The following ARNT variants were observed in gnomAD, a reference collection of about 807,000 sequenced individuals.
ARNT encodes class E basic helix-loop-helix protein 2.
Under a neutral mutation model 105.0 loss-of-function variants are expected in ARNT, and 30 were observed. The ratio of observed to expected loss-of-function variants is 0.29; its 90% CI spans 0.21 to 0.39. The LOEUF (loss-of-function observed/expected upper bound fraction) is 0.39, where lower values mean the gene tolerates loss of function less well. Ranked by LOEUF, ARNT falls within the 10% of genes least tolerant of loss-of-function variation. The pLI is 1.00. For synonymous variants in ARNT, 304 were observed against 344.0 expected (o/e 0.88, Z 1.29); for missense variants, 748 against 978.7 (o/e 0.76, Z 3.15).
At chr1:150,830,324 CGACA>C (rs1174243371) in intron 10 of ARNT, 1 of 181,498 alleles carries the variant, frequency 5.5e-6, no homozygotes, top group African/African-American at 2.4e-5. Context: ...CCAGCCTGGG[CGACA>C]GACAGAGTGA....
chr1:150,873,930 A>G (rs1425054834), intron 1 of ARNT, among the ~76,000 whole-genome samples: 1 of 151,748 alleles, frequency 6.6e-6, no homozygotes, highest in Non-Finnish European at 1.5e-5. Context: ...AAAAATAAAA[A>G]TAAGTATTAT....
At chr1:150,863,320 C>T (rs1665987782) in intron 1 of ARNT, among the ~76,000 whole-genome samples, 1 of 151,238 alleles carries the variant, frequency 6.6e-6, no homozygotes, top group African/African-American at 2.4e-5. Context: ...CATGCCACTG[C>T]ACTCCAGCCT....
At chr1:150,852,974 ACT>A in intron 2 of ARNT, 168 bp from the exon 3 acceptor site, 1 of 842,420 alleles carries the variant, frequency 1.2e-6, no homozygotes, top group Non-Finnish European at 1.9e-6. Context: ...ATAGTCCCAA[ACT>A]AGGCAAAGAA....
At chr1:150,828,946 A>C in intron 12 of ARNT, 147 bp downstream of exon 12, 1 of 961,050 alleles carries the variant, frequency 1.0e-6, no homozygotes, top group Non-Finnish European at 1.5e-6. Flanking sequence ...TAGGAAGCTG[A>C]AAATAATGTT....
At chr1:150,873,959 G>A (rs2102524641) in intron 1 of ARNT, among the ~76,000 whole-genome samples, 2 of 136,492 alleles carry the variant, frequency 1.5e-5, no homozygotes, top group South Asian at 2.4e-4. Flanking sequence ...AGGATTAACT[G>A]AAGTGAAGGT....
chr1:150,825,467 A>C (rs1410459696), intron 13 of ARNT, among the ~76,000 whole-genome samples: 1 of 152,204 alleles, frequency 6.6e-6, no homozygotes, highest in African/African-American at 2.4e-5. Context: ...ATGTCTATAA[A>C]ATTCACCAGA....
chr1:150,844,474 T>C (rs1661808853), intron 4 of ARNT, among the ~76,000 whole-genome samples: 1 of 152,180 alleles, frequency 6.6e-6, no homozygotes, highest in Admixed American at 6.6e-5. Context: ...TTTAACTACT[T>C]CCCCTGATAT....
intron 5 of ARNT, chr1:150,842,203 G>C: frequency 1.1e-6 from 1 of 919,758 alleles, no homozygotes; most frequent in Non-Finnish European, 1.3e-6. Context: ...AAAACTAATA[G>C]CAATTTCTTA....
intron 13 of ARNT, among the ~76,000 whole-genome samples, chr1:150,826,228 A>G (rs914699501): frequency 5.9e-5 from 9 of 151,978 alleles, no homozygotes; most frequent in African/African-American, 2.2e-4. Flanking sequence ...GAAAACATCT[A>G]TTTTCACAGC....
chr1:150,816,964 C>T, intron 17 of ARNT, 74 bp from the exon 18 acceptor site: 1 of 1,600,632 alleles, frequency 6.2e-7, no homozygotes, highest in Non-Finnish European at 8.5e-7. Context: ...TTCCTATTTA[C>T]TCAGGTGGTA....
chr1:150,831,918 G>A lies in ARNT; in HGVS notation c.870-15C>T, dbSNP rs757224887. 6.7e-7 allele frequency: 1 copy of A among 1,487,064 alleles called. No homozygotes were observed. The highest frequency in any genetic ancestry group is 1.2e-5 in the South Asian group (1 of 80,494). The allele number at this position is 1,487,064 out of a possible 1,614,324, so 92.1% of individuals were successfully genotyped here. On this transcript the variant is annotated splice_polypyrimidine_tract_variant and intron_variant, in intron 9 of 21. Transcript: ENST00000358595. ...CAAGTCCATTCCTAGAAGAGTTACA[G>A]GAGTTTGAAAAAAAAAAAAAAAATC...
intron 7 of ARNT, 78 bp from the exon 8 acceptor site, chr1:150,834,718 A>G: frequency 1.6e-6 from 2 of 1,219,630 alleles, no homozygotes; most frequent in Non-Finnish European, 2.4e-6. Context: ...GAAGGCAAAG[A>G]TAAGTAAGCA....
chr1:150,858,846 C>T (rs1195494998), intron 1 of ARNT, among the ~76,000 whole-genome samples: 12 of 149,846 alleles, frequency 8.0e-5, no homozygotes, highest in Admixed American at 2.7e-4. Context: ...TGGTCTTGAA[C>T]GCCTAGCTCC....
At chr1:150,836,238 A>C (rs1047537724) in intron 7 of ARNT, 42 bp downstream of exon 7, 1 of 1,585,350 alleles carries the variant, frequency 6.3e-7, no homozygotes, top group African/African-American at 1.3e-5. Flanking sequence ...GAAAAAAACA[A>C]GAAAGGACTT....
chr1:150,828,968 G>C, intron 12 of ARNT, 125 bp downstream of exon 12: 1 of 1,151,726 alleles, frequency 8.7e-7, no homozygotes, highest in Non-Finnish European at 1.2e-6. Flanking sequence ...GGTACTAACA[G>C]AATATGATGA....
intron 2 of ARNT, among the ~76,000 whole-genome samples, chr1:150,854,479 T>C (rs1664204547): frequency 6.6e-6 from 1 of 151,936 alleles, no homozygotes; most frequent in African/African-American, 2.4e-5. Flanking sequence ...GCTGCAGGCC[T>C]TGAGCCTGGG....
chr1:150,873,339 T>C (rs1667773650), intron 1 of ARNT, among the ~76,000 whole-genome samples: 1 of 150,872 alleles, frequency 6.6e-6, no homozygotes, highest in Admixed American at 6.6e-5. Context: ...GTCTAGTCCA[T>C]AGATAAGAAA....
At chr1:150,846,434 T>G in intron 3 of ARNT, 127 bp from the exon 4 acceptor site, 1 of 876,062 alleles carries the variant, frequency 1.1e-6, no homozygotes, top group Non-Finnish European at 1.8e-6. Context: ...CATCACAAAG[T>G]GATAGAAATA....
intron 20 of ARNT, among the ~76,000 whole-genome samples, 167 bp downstream of exon 20, chr1:150,813,910 G>C (rs1488093040): frequency 6.6e-6 from 1 of 152,174 alleles, no homozygotes; most frequent in Non-Finnish European, 1.5e-5. Flanking sequence ...ACAGGCGTGA[G>C]CCACCGCACC....
Sources: gnomAD v4.1 joint callset for allele counts (sites outside exome capture counted in the v4.1 genomes callset) on GRCh38, gnomAD v4.1.1 for gene constraint, MANE v1.5 for transcripts, NCBI Gene and HGNC (gene_info 2026-07-23, HGNC 2026-07-21) for gene names.